The following CACNA2D1 variants were observed in gnomAD, a reference collection of about 807,000 sequenced individuals.
CACNA2D1 encodes the protein calcium voltage-gated channel auxiliary subunit alpha2delta 1.
A neutral mutation model predicts 171.5 loss-of-function variants in CACNA2D1; 53 were observed. The observed-to-expected ratio is 0.31, with a 90% CI of 0.25 to 0.39. The LOEUF (loss-of-function observed/expected upper bound fraction) is 0.39, where lower values mean the gene tolerates loss of function less well. Ranked by LOEUF, CACNA2D1 falls within the 10% of genes least tolerant of loss-of-function variation. The probability of loss-of-function intolerance (pLI) is 1.00; values close to 1 mark genes in which losing one functional copy is unlikely to be tolerated. For missense variants in CACNA2D1, 903 were observed against 1,299.8 expected (o/e 0.69, Z 4.69); for synonymous variants, 442 against 443.1 (o/e 1.00, Z 0.03).
intron 20 of CACNA2D1, 140 bp from the exon 21 acceptor site, chr7:81,991,386 T>C: frequency 5.8e-6 from 3 of 516,944 alleles, no homozygotes; most frequent in South Asian, 3.4e-5. Flanking sequence ...TTTTATTCTA[T>C]ATTTATTTAT....
In CACNA2D1 at chr7:82,064,358, A is replaced by G. The variant is rs756029866; in HGVS notation, c.729-4T>C. On this transcript the variant is annotated splice_region_variant and splice_polypyrimidine_tract_variant and intron_variant, in intron 8 of 38. Transcript: ENST00000356860. ...AGATGCAGCTCCTTGGATGTACCTG[A>G]AACAAATATTGTAATAAATGCTTTT... 6.3e-7 allele frequency: 1 copy of G among 1,596,698 alleles called. No homozygotes were observed. The highest frequency in any genetic ancestry group is 8.6e-7 in the Non-Finnish European group (1 of 1,165,068).
At chr7:81,982,747 A>C in intron 23 of CACNA2D1, 120 bp from the exon 24 acceptor site, 2 of 756,186 alleles carry the variant, frequency 2.6e-6, no homozygotes, top group Non-Finnish European at 4.8e-6. Flanking sequence ...TAGAGTACTT[A>C]CATCCTAAAA....
chr7:82,399,317 G>A (rs1156839526), intron 1 of CACNA2D1, among the ~76,000 whole-genome samples: 1 of 151,936 alleles, frequency 6.6e-6, no homozygotes, highest in Non-Finnish European at 1.5e-5. Context: ...GGGGATGACT[G>A]TAATCCCAGC....
intron 3 of CACNA2D1, among the ~76,000 whole-genome samples, chr7:82,247,158 C>G (rs1294906730): frequency 6.6e-6 from 1 of 152,160 alleles, no homozygotes; most frequent in African/African-American, 2.4e-5. Flanking sequence ...ACAGTAAAAG[C>G]TTTACCAATA....
At chr7:82,149,939 A>G (rs1793619519) in intron 4 of CACNA2D1, among the ~76,000 whole-genome samples, 1 of 151,920 alleles carries the variant, frequency 6.6e-6, no homozygotes, top group African/African-American at 2.4e-5. Context: ...CCTGGGCTAC[A>G]GAGCAAGAGT....
At chr7:82,212,935 C>G (rs1437955946) in intron 3 of CACNA2D1, among the ~76,000 whole-genome samples, 1 of 151,466 alleles carries the variant, frequency 6.6e-6, no homozygotes, top group East Asian at 1.9e-4. Flanking sequence ...GAGTCTCACT[C>G]TGTCACCCAG....
At chr7:82,312,295 T>C (rs1342597838) in intron 3 of CACNA2D1, among the ~76,000 whole-genome samples, 1 of 152,156 alleles carries the variant, frequency 6.6e-6, no homozygotes, top group Admixed American at 6.5e-5. Flanking sequence ...GAATCTTAAA[T>C]TTTTAGTCCC....
intron 1 of CACNA2D1, among the ~76,000 whole-genome samples, chr7:82,423,082 A>C (rs763502020): frequency 6.6e-6 from 1 of 152,100 alleles, no homozygotes; most frequent in Non-Finnish European, 1.5e-5. Context: ...TTAATTCTGG[A>C]TGTGTTTCAA....
intron 1 of CACNA2D1, among the ~76,000 whole-genome samples, chr7:82,359,380 T>C (rs1257016716): frequency 6.6e-6 from 1 of 152,154 alleles, no homozygotes; most frequent in Non-Finnish European, 1.5e-5. Flanking sequence ...TTCTATGAAT[T>C]ATTAGCTGAT....
intron 17 of CACNA2D1, 25 bp from the exon 18 acceptor site, chr7:82,005,522 C>T (rs1474351829): frequency 2.5e-6 from 3 of 1,219,462 alleles, no homozygotes; most frequent in East Asian, 4.9e-5. Flanking sequence ...AAAAAAAAAG[C>T]TTGGATATGC....
At chr7:82,108,075 T>C (rs75116500) in intron 6 of CACNA2D1, among the ~76,000 whole-genome samples, 9,128 of 152,224 alleles carry the variant, frequency 0.06, 399 homozygotes, top group South Asian at 0.13. Context: ...AAGTGATTCA[T>C]ACAGAAAGCA....
intron 3 of CACNA2D1, among the ~76,000 whole-genome samples, chr7:82,328,321 G>A (rs12533606): frequency 0.16 from 23,712 of 152,032 alleles, 2,020 homozygotes; most frequent in South Asian, 0.28. Context: ...AAATTCATAT[G>A]TAGCTTGGGC....
chr7:82,211,887 G>A lies in CACNA2D1; in HGVS notation c.295-41278C>T, dbSNP rs569293132. Among the ~76,000 whole-genome samples the A allele has an allele frequency of 4.5e-4, 69 of 152,018 alleles. 3 individuals carry two copies. In the South Asian group the frequency reaches 0.014, roughly 31 times the overall value. On this transcript the variant is annotated intron_variant, in intron 3 of 38. Transcript: ENST00000356860. ...CAAACACCTGTTTTTGTTTTGTTTT[G>A]TTTTGTTTTGTTTTGTTTAATTTTT...
chr7:82,109,953 A>C (rs1163164459), intron 6 of CACNA2D1, among the ~76,000 whole-genome samples: 1 of 152,154 alleles, frequency 6.6e-6, no homozygotes, highest in African/African-American at 2.4e-5. Flanking sequence ...AACCCTGATG[A>C]AGTGAATGAC....
intron 18 of CACNA2D1, among the ~76,000 whole-genome samples, chr7:82,000,842 G>A (rs1407370546): frequency 2.6e-5 from 3 of 114,048 alleles, no homozygotes; most frequent in Admixed American, 1.3e-4. Context: ...TGTTGGCCTG[G>A]CTGGTCTCAA....
chr7:82,419,078 C>A (rs1563526746), intron 1 of CACNA2D1, among the ~76,000 whole-genome samples: 3 of 151,110 alleles, frequency 2.0e-5, no homozygotes, highest in Admixed American at 6.7e-5. Flanking sequence ...CCACTGCACT[C>A]CAACCAGGGT....
chr7:82,076,453 A>G (rs3801763), intron 7 of CACNA2D1, among the ~76,000 whole-genome samples: 56,333 of 151,934 alleles, frequency 0.37, 10,988 homozygotes, highest in Non-Finnish European at 0.43. Flanking sequence ...AACAGCTTTG[A>G]TATTCTCATC....
chr7:82,059,637 A>G (rs1294072600), intron 10 of CACNA2D1, among the ~76,000 whole-genome samples: 1 of 151,990 alleles, frequency 6.6e-6, no homozygotes, highest in African/African-American at 2.4e-5. Context: ...CATTACTTCA[A>G]TTACTTTAAC....
At chr7:81,953,260 T>C (rs1490049475) in intron 38 of CACNA2D1, among the ~76,000 whole-genome samples, 1 of 152,096 alleles carries the variant, frequency 6.6e-6, no homozygotes, top group Non-Finnish European at 1.5e-5. Flanking sequence ...CAAAAAGCAG[T>C]CTTCTTAACA....
Sources: allele counts gnomAD v4.1 joint callset (sites outside exome capture counted in the v4.1 genomes callset), GRCh38; gene constraint gnomAD v4.1.1; transcripts MANE v1.5; gene names NCBI Gene and HGNC (gene_info 2026-07-23, HGNC 2026-07-21).